CLINT1: variants seen among roughly 807,000 people sequenced by gnomAD.
CLINT1 encodes clathrin interactor 1.
Under a neutral mutation model 70.4 loss-of-function variants are expected in CLINT1, and 15 were observed. That is an observed-to-expected ratio of 0.21 (90% CI 0.14 to 0.33). The LOEUF is 0.33. Ranked by LOEUF, CLINT1 falls within the 10% of genes least tolerant of loss-of-function variation. CLINT1 has a pLI of 1.00. For missense variants in CLINT1, 615 were observed against 778.1 expected, an observed-to-expected ratio of 0.79 and a Z score of 2.49; for synonymous variants, 227 against 254.7, an observed-to-expected ratio of 0.89 and a Z score of 1.04.
In CLINT1 at chr5:157,813,148, C is replaced by A. The variant is rs201156217; in HGVS notation, c.432G>T (p.Arg144Ser). 3 of 1,613,724 alleles carry A rather than the reference C, an allele frequency of 1.9e-6. No individual in the cohort carries two copies. Among genetic ancestry groups the A allele is most frequent in the Non-Finnish European group, 2.5e-6 (3 of 1,179,856 alleles). Residue 144 changes from arginine (R) to serine (S), a missense_variant, in exon 5 of 12, where the codon AGG becomes AGT. Physicochemically the swap from Arg to Ser is moderately radical, Grantham distance 110. Transcript: ENST00000411809. ...TTGCTTTCTTTCGCTCTTCACGAAG[C>A]CTGTCGTCATCCTGGGCAAATTCAA... ...ELVEFAQDDD[R>S]LREERKKAKK...
intron 5 of CLINT1, among the ~76,000 whole-genome samples, chr5:157,811,924 C>T (rs534981695): frequency 2.2e-4 from 34 of 152,016 alleles, no homozygotes; most frequent in Non-Finnish European, 4.1e-4. Context: ...ATAGAAACTT[C>T]AAAACATTAT....
chr5:157,842,453 A>T (rs1014306905), intron 1 of CLINT1, among the ~76,000 whole-genome samples: 7 of 152,214 alleles, frequency 4.6e-5, no homozygotes, highest in Non-Finnish European at 1.0e-4. Context: ...ACTCCAGGAC[A>T]CTTTAAAAAG....
At chr5:157,835,941 G>A (rs948756422) in intron 1 of CLINT1, among the ~76,000 whole-genome samples, 1 of 152,200 alleles carries the variant, frequency 6.6e-6, no homozygotes. Flanking sequence ...TACCCATGCT[G>A]AGTGTAAACT....
chr5:157,837,602 A>G (rs1046408835), intron 1 of CLINT1, among the ~76,000 whole-genome samples: 1 of 151,832 alleles, frequency 6.6e-6, no homozygotes, highest in African/African-American at 2.4e-5. Flanking sequence ...CTTACATTAA[A>G]TTCAAAATCA....
At chr5:157,829,089 G>C (rs1333186622) in intron 1 of CLINT1, among the ~76,000 whole-genome samples, 1 of 151,922 alleles carries the variant, frequency 6.6e-6, no homozygotes, top group African/African-American at 2.4e-5. Flanking sequence ...GCATGGAAGC[G>C]AGACTCTGCC....
chr5:157,844,380 A>AT (rs1753297473), intron 1 of CLINT1, among the ~76,000 whole-genome samples: 1 of 152,058 alleles, frequency 6.6e-6, no homozygotes, highest in African/African-American at 2.4e-5. Context: ...GTCATTTTCT[A>AT]TTTTTCATGC....
At chr5:157,799,024 G>A (rs1025192760) in intron 8 of CLINT1, among the ~76,000 whole-genome samples, 1 of 151,934 alleles carries the variant, frequency 6.6e-6, no homozygotes, top group African/African-American at 2.4e-5. Flanking sequence ...CAAATGAAAA[G>A]TCATATCTAA....
At chr5:157,789,547 T>C in intron 10 of CLINT1, 34 bp from the exon 11 acceptor site, 3 of 1,613,838 alleles carry the variant, frequency 1.9e-6, no homozygotes, top group Non-Finnish European at 2.5e-6. Context: ...TCTGCAGCAC[T>C]GTGCTAACAT....
At chr5:157,831,040 T>C (rs1344852487) in intron 1 of CLINT1, among the ~76,000 whole-genome samples, 1 of 147,132 alleles carries the variant, frequency 6.8e-6, no homozygotes, top group Non-Finnish European at 1.5e-5. Flanking sequence ...CAAGACCCTG[T>C]CTCAAAAAAA....
At chr5:157,807,191 A>C (rs1436764632) in intron 6 of CLINT1, among the ~76,000 whole-genome samples, 7 of 152,088 alleles carry the variant, frequency 4.6e-5, no homozygotes, top group Admixed American at 4.6e-4. Context: ...ACTTGTATAA[A>C]TCAAAGATCA....
intron 4 of CLINT1, 59 bp from the exon 5 acceptor site, chr5:157,813,286 CT>C: frequency 7.2e-7 from 1 of 1,389,866 alleles, no homozygotes. Context: ...GTATCAAGCT[CT>C]TTAAGATTAA....
At chr5:157,793,825 T>C (rs1230537473) in intron 9 of CLINT1, among the ~76,000 whole-genome samples, 1 of 152,208 alleles carries the variant, frequency 6.6e-6, no homozygotes, top group Admixed American at 6.5e-5. Flanking sequence ...GTATCTTTTT[T>C]CTAACTCCTC....
chr5:157,789,301 C>A, intron 11 of CLINT1, 62 bp downstream of exon 11: 1 of 1,390,034 alleles, frequency 7.2e-7, no homozygotes, highest in South Asian at 1.2e-5. Context: ...TTGAAGTAGT[C>A]CTGGCATTAA....
intron 1 of CLINT1, among the ~76,000 whole-genome samples, chr5:157,839,609 T>TA (rs749234588): frequency 0.095 from 12,114 of 126,970 alleles, 637 homozygotes; most frequent in East Asian, 0.18. Context: ...TTAAATAAAA[T>TA]AAAAAAAAAA....
In CLINT1 at chr5:157,787,719, T is replaced by C. The variant is rs1761767632; in HGVS notation, c.1805A>G (p.Asn602Ser). 1.9e-6 allele frequency: 3 copies of C among 1,613,942 alleles called. No homozygotes were observed. Among genetic ancestry groups the C allele is most frequent in the East Asian group, 2.2e-5 (1 of 44,898 alleles). ...CACAGTTCCAGAAGTCATGGCTATG[T>C]TGGGCATGCCCATTCCCATTGTGCC... ...LTGTMGMGMP[N>S]IAMTSGTVQP... The change falls in exon 12 of 12, where the codon AAC becomes AGC. Residue 602 changes from asparagine (N) to serine (S), a missense_variant. This residue lies in a region of CLINT1 where 374 missense variants were observed against 409.6 expected (regional missense o/e 0.91). Transcript: ENST00000411809.
intron 1 of CLINT1, among the ~76,000 whole-genome samples, chr5:157,828,339 T>C (rs554790657): frequency 6.6e-6 from 1 of 152,120 alleles, no homozygotes; most frequent in East Asian, 1.9e-4. Flanking sequence ...GGATGAAAAA[T>C]AGCTTCCAAA....
intron 1 of CLINT1, among the ~76,000 whole-genome samples, chr5:157,829,512 C>T (rs1192628481): frequency 1.3e-5 from 2 of 151,834 alleles, no homozygotes; most frequent in Admixed American, 1.3e-4. Flanking sequence ...CATTGTGAGT[C>T]TCCAAGAGAG....
intron 10 of CLINT1, among the ~76,000 whole-genome samples, chr5:157,790,959 A>G (rs1581472045): frequency 1.3e-5 from 2 of 152,232 alleles, no homozygotes; most frequent in African/African-American, 4.8e-5. Context: ...CATATTAGCA[A>G]TAATTATTTA....
Position 157,859,129 on chromosome 5 carries a change from G to A in CLINT1, c.-159C>T, listed in dbSNP as rs1364360701. On this transcript the variant is annotated 5_prime_UTR_variant, in exon 1 of 12. Coordinates refer to ENST00000411809, the MANE Select transcript of CLINT1 (RefSeq NM_014666.4). The stretch of plus-strand genomic sequence containing the variant: ...CTTTGCCACAGCAGCGGCGCCGCCG[G>A]TGACACGTCGAGACGCGGCAGCACA... 4 of 675,982 alleles carry A rather than the reference G, an allele frequency of 5.9e-6. No homozygotes were observed. The highest frequency in any genetic ancestry group is 7.1e-6 in the Non-Finnish European group (3 of 423,546). The allele number at this position is 675,982 out of a possible 1,614,324, so 41.9% of individuals were successfully genotyped here. A position where few individuals can be genotyped will look rare whatever the true frequency, so the allele number is the denominator to read the frequency against.
Sources: gnomAD v4.1 joint callset for allele counts (sites outside exome capture counted in the v4.1 genomes callset) on GRCh38, gnomAD v4.1.1 for gene constraint, gnomAD v4.1.1 regional missense constraint, MANE v1.5 for transcripts, NCBI Gene and HGNC (gene_info 2026-07-23, HGNC 2026-07-21) for gene names.